TMOD3: variants seen among roughly 807,000 people sequenced by gnomAD.
TMOD3 encodes tropomodulin-3.
Under a neutral mutation model 39.2 loss-of-function variants are expected in TMOD3, and 20 were observed. The observed-to-expected ratio is 0.51, with a 90% CI of 0.36 to 0.74. The LOEUF is 0.74. Ranked by LOEUF, TMOD3 falls within the 30% of genes least tolerant of loss-of-function variation. TMOD3 has a pLI of 0.00. For missense variants in TMOD3, 381 were observed against 412.8 expected, an observed-to-expected ratio of 0.92 and a Z score of 0.67; for synonymous variants, 143 against 145.8, an observed-to-expected ratio of 0.98 and a Z score of 0.14.
chr15:51,887,687 G>A lies in TMOD3; in HGVS notation c.382G>A (p.Asp128Asn), dbSNP rs780780586. ...ELEEALTSAS[D>N]TELCDLAAIL... ...AGAAGAAGCTTTGACAAGTGCTTCT[G>A]ATACAGAATTGTGTGACCTCGCAGG... Residue 128 changes from aspartate (D) to asparagine (N), a missense_variant, in exon 4 of 10, where the codon GAT (aspartate) becomes AAT (asparagine). Physicochemically the swap from Asp to Asn is conservative, Grantham distance 23 (BLOSUM62 1). Coordinates refer to ENST00000308580, the MANE Select transcript of TMOD3 (RefSeq NM_014547.5). 2 of 1,613,834 alleles carry A rather than the reference G, an allele frequency of 1.2e-6. No individual in the cohort carries two copies. The highest frequency in any genetic ancestry group is 2.2e-5 in the South Asian group (2 of 90,978).
intron 1 of TMOD3, among the ~76,000 whole-genome samples, chr15:51,849,204 A>G (rs554478565): frequency 1.3e-5 from 2 of 152,322 alleles, no homozygotes; most frequent in East Asian, 1.9e-4. Context: ...GTTGACTCCA[A>G]GATTTTTGGC....
At chr15:51,875,598 C>G (rs867255374) in intron 3 of TMOD3, among the ~76,000 whole-genome samples, 1 of 147,964 alleles carries the variant, frequency 6.8e-6, no homozygotes, top group Non-Finnish European at 1.5e-5. Context: ...ATTTACATAC[C>G]GTAAAGTACT....
chr15:51,870,714 TC>T (rs2056470746), intron 3 of TMOD3, among the ~76,000 whole-genome samples: 1 of 152,230 alleles, frequency 6.6e-6, no homozygotes, highest in Non-Finnish European at 1.5e-5. Context: ...TTTAGAGTCC[TC>T]TTCCTCTTCA....
intron 2 of TMOD3, among the ~76,000 whole-genome samples, chr15:51,864,277 A>C (rs536432228): frequency 1.3e-5 from 2 of 151,798 alleles, no homozygotes; most frequent in South Asian, 4.2e-4. Context: ...AAAAAAAAAA[A>C]AAAAAACTGG....
rs57976840 is a variant in TMOD3, at chr15:51,901,572, AGTGTGTGTGTGTGTGTGTGTGT to A, written c.880-301_880-280del. On this transcript the variant is annotated intron_variant, in intron 8 of 9. Coordinates refer to ENST00000308580, the MANE Select transcript of TMOD3 (RefSeq NM_014547.5). ...CATATTACTGAACTTTAAAAAGTTT[AGTGTGTGTGTGTGTGTGTGTGT>A]GTGTGTGTGTGTGTGTGTATAAAGT... 124 of 184,896 alleles carry A rather than the reference AGTGTGTGTGTGTGTGTGTGTGT, an allele frequency of 6.7e-4. 1 individual carries two copies. The East Asian group carries it at 8.5e-3, about 13-fold the overall frequency. 11.5% of individuals were successfully genotyped at this position (184,896 alleles called of 1,614,324 possible).
intron 1 of TMOD3, among the ~76,000 whole-genome samples, chr15:51,862,327 A>AT (rs1490895028): frequency 6.6e-6 from 1 of 152,094 alleles, no homozygotes; most frequent in Non-Finnish European, 1.5e-5. Context: ...TCAAAAGAAT[A>AT]TTTTTCCTAG....
At chr15:51,882,753 A>C (rs1248443390) in intron 3 of TMOD3, among the ~76,000 whole-genome samples, 1 of 152,178 alleles carries the variant, frequency 6.6e-6, no homozygotes, top group African/African-American at 2.4e-5. Flanking sequence ...TGTAAGTCTT[A>C]CAACTGTGTT....
At chr15:51,847,819 AAT>A (rs58496007) in intron 1 of TMOD3, among the ~76,000 whole-genome samples, 7,426 of 152,216 alleles carry the variant, frequency 0.049, 416 homozygotes, top group African/African-American at 0.12. Flanking sequence ...TTAGAAGGTA[AAT>A]ATGTGTGCCA....
chr15:51,890,538 T>C (rs1316785473), intron 5 of TMOD3, among the ~76,000 whole-genome samples: 2 of 152,134 alleles, frequency 1.3e-5, no homozygotes, highest in African/African-American at 2.4e-5. Flanking sequence ...CGTGAAGTAC[T>C]CTTATTAGCC....
At chr15:51,856,067 A>T (rs532234780) in intron 1 of TMOD3, among the ~76,000 whole-genome samples, 17 of 152,346 alleles carry the variant, frequency 1.1e-4, no homozygotes, top group Admixed American at 1.1e-3. Context: ...GTTTAAGACC[A>T]GCCTGGGCAA....
intron 1 of TMOD3, among the ~76,000 whole-genome samples, chr15:51,861,543 G>A (rs189898550): frequency 7.6e-6 from 1 of 131,148 alleles, no homozygotes; most frequent in East Asian, 2.1e-4. Flanking sequence ...AAAACTTGAG[G>A]GAAGGGGTAG....
At chr15:51,846,185 G>A (rs1375664926) in intron 1 of TMOD3, among the ~76,000 whole-genome samples, 42 of 151,030 alleles carry the variant, frequency 2.8e-4, no homozygotes, top group Admixed American at 2.7e-3. Context: ...ATAAAAATTA[G>A]CCAGACATAG....
chr15:51,880,300 A>C lies in TMOD3; in HGVS notation c.284-7289A>C, dbSNP rs75583743. ...ACCCATACTAATAAGTCAGCTCCTT[A>C]GTGGTTTTTGTAAACATCTTTATTA... On this transcript the variant is annotated intron_variant, in intron 3 of 9. Coordinates refer to ENST00000308580, the MANE Select transcript of TMOD3 (RefSeq NM_014547.5). Among the ~76,000 whole-genome samples the C allele has an allele frequency of 1.9e-3, 283 of 152,334 alleles. 1 individual carries two copies. The highest frequency in any genetic ancestry group is 6.7e-3 in the African/African-American group (279 of 41,572).
intron 1 of TMOD3, among the ~76,000 whole-genome samples, chr15:51,838,848 A>G (rs567277052): frequency 7.9e-5 from 12 of 152,144 alleles, no homozygotes; most frequent in Admixed American, 7.9e-4. Flanking sequence ...GTGATACCTT[A>G]TGTCTCAACT....
At chr15:51,886,782 G>A (rs577421413) in intron 3 of TMOD3, among the ~76,000 whole-genome samples, 2 of 152,320 alleles carry the variant, frequency 1.3e-5, no homozygotes, top group South Asian at 2.1e-4. Context: ...GTTCGTGTAC[G>A]TTGAGGCTTA....
At chr15:51,881,145 G>A (rs556629743) in intron 3 of TMOD3, among the ~76,000 whole-genome samples, 1 of 152,266 alleles carries the variant, frequency 6.6e-6, no homozygotes, top group Admixed American at 6.5e-5. Context: ...ATGCAGCCCA[G>A]GCTGGACTCG....
chr15:51,888,466 T>A (rs1158792981), intron 4 of TMOD3, among the ~76,000 whole-genome samples: 1 of 152,218 alleles, frequency 6.6e-6, no homozygotes, highest in Non-Finnish European at 1.5e-5. Context: ...CAGAGTGGAA[T>A]GAGCCAAGGA....
rs1423278383 is a variant in TMOD3, at chr15:51,909,894, A to C, written c.*1084A>C. ...CCAAGAAGGAAAACTGCTATTCTTCATAAATCTAATTTTTAGTATATGCTT... is the reference window on the plus strand; with the variant it reads ...CCAAGAAGGAAAACTGCTATTCTTCCTAAATCTAATTTTTAGTATATGCTT... On this transcript the variant is annotated 3_prime_UTR_variant, in exon 10 of 10. Coordinates refer to ENST00000308580, the MANE Select transcript of TMOD3 (RefSeq NM_014547.5). The C allele has an allele frequency of 6.6e-6, 1 of 152,274 alleles. No individual in the cohort carries two copies. Among genetic ancestry groups the C allele is most frequent in the Non-Finnish European group, 1.5e-5 (1 of 68,052 alleles). 9.4% of individuals were successfully genotyped at this position (152,274 alleles called of 1,614,324 possible). A position where few individuals can be genotyped will look rare whatever the true frequency, so the allele number is the denominator to read the frequency against.
intron 1 of TMOD3, among the ~76,000 whole-genome samples, chr15:51,833,864 T>C (rs1011593006): frequency 6.6e-6 from 1 of 152,232 alleles, no homozygotes; most frequent in African/African-American, 2.4e-5. Flanking sequence ...TGTTTAACTT[T>C]ATTAAAAATC....
Sources: allele counts gnomAD v4.1 joint callset (sites outside exome capture counted in the v4.1 genomes callset), GRCh38; gene constraint gnomAD v4.1.1; transcripts MANE v1.5; gene names NCBI Gene and HGNC (gene_info 2026-07-23, HGNC 2026-07-21).